The following CDC40 variants were observed in gnomAD, a reference collection of about 807,000 sequenced individuals.
CDC40 encodes pre-mRNA-processing factor 17.
A neutral mutation model predicts 80.6 loss-of-function variants in CDC40; 27 were observed. The observed-to-expected ratio is 0.33, with a 90% CI of 0.25 to 0.46. CDC40 has a LOEUF of 0.46. Ranked by LOEUF, CDC40 falls within the 20% of genes least tolerant of loss-of-function variation. CDC40 has a pLI of 1.00. For missense variants in CDC40, 486 were observed against 694.1 expected, an observed-to-expected ratio of 0.70 and a Z score of 3.37; for synonymous variants, 221 against 232.6, an observed-to-expected ratio of 0.95 and a Z score of 0.45.
intron 1 of CDC40, among the ~76,000 whole-genome samples, chr6:110,183,028 A>G (rs560625083): frequency 1.3e-5 from 2 of 152,190 alleles, no homozygotes; most frequent in African/African-American, 4.8e-5. Context: ...TGAAAGCCGA[A>G]TTTTCTTTCT....
chr6:110,185,391 C>T (rs1008425873), intron 1 of CDC40, among the ~76,000 whole-genome samples: 2 of 151,150 alleles, frequency 1.3e-5, no homozygotes, highest in Admixed American at 6.6e-5. Flanking sequence ...TACAGGCGCC[C>T]GCCACTACGC....
At chr6:110,220,653 G>T (rs537273980) in intron 12 of CDC40, among the ~76,000 whole-genome samples, 35 of 152,130 alleles carry the variant, frequency 2.3e-4, no homozygotes, top group Admixed American at 2.0e-3. Context: ...CACTGTGTTA[G>T]CCAGGATGGT....
chr6:110,210,986 A>AG (rs1329195249), intron 6 of CDC40, 183 bp downstream of exon 6: 2 of 274,340 alleles, frequency 7.3e-6, no homozygotes, highest in African/African-American at 4.4e-5. Context: ...CTGATAAAGG[A>AG]GAAAAAATAG....
At chr6:110,201,142 T>TA (rs902412710) in intron 2 of CDC40, among the ~76,000 whole-genome samples, 30 of 152,050 alleles carry the variant, frequency 2.0e-4, no homozygotes, top group Non-Finnish European at 3.7e-4. Flanking sequence ...ATGTAGTTTT[T>TA]AAAAAAAATT....
intron 2 of CDC40, among the ~76,000 whole-genome samples, chr6:110,193,718 T>C (rs1777382571): frequency 6.6e-6 from 1 of 152,222 alleles, no homozygotes; most frequent in Non-Finnish European, 1.5e-5. Context: ...AATACATCCT[T>C]CTATTCTCCA....
At chr6:110,224,725 C>T (rs1435460576) in intron 12 of CDC40, among the ~76,000 whole-genome samples, 1 of 152,184 alleles carries the variant, frequency 6.6e-6, no homozygotes, top group African/African-American at 2.4e-5. Context: ...GCCTAGCAGG[C>T]ATTTTTGCTA....
rs1405260244 is a variant in CDC40, at chr6:110,219,837, A to G, written c.1308A>G (p.Thr436=). The G allele has an allele frequency of 6.2e-7, 1 of 1,614,068 alleles. No homozygotes were observed. Among genetic ancestry groups the G allele is most frequent in the Non-Finnish European group, 8.5e-7 (1 of 1,179,960 alleles). The change falls in exon 12 of 15, where the codon ACA becomes ACG. Residue 436 remains threonine (T), a synonymous_variant. Coordinates refer to ENST00000307731, the MANE Select transcript of CDC40 (RefSeq NM_015891.3). The part of the protein sequence containing the change: ...FVDENRRFVS[T]SDDKSLRVWE... ...ATGAGAATAGGAGATTTGTGAGCAC[A>G]TCTGATGATAAAAGCCTAAGAGTTT...
chr6:110,193,101 G>A, intron 1 of CDC40, 81 bp from the exon 2 acceptor site: 1 of 788,488 alleles, frequency 1.3e-6, no homozygotes. Context: ...TGTTAAAGAT[G>A]GCTAGTGTGA....
chr6:110,213,375 T>C (rs1353077926), intron 8 of CDC40, among the ~76,000 whole-genome samples: 1 of 150,984 alleles, frequency 6.6e-6, no homozygotes, highest in Non-Finnish European at 1.5e-5. Context: ...TTTGTTGTTG[T>C]TTTTGTTTTT....
In CDC40 at chr6:110,230,154, T is replaced by C. The variant is rs765856659; in HGVS notation, c.*23T>C. On this transcript the variant is annotated 3_prime_UTR_variant, in exon 15 of 15. Transcript: ENST00000307731. Reference sequence around the variant, plus strand: ...TAATGAGATTAATCCTTAAACTAGCTGGGATCATTTTTGATCCATTGTCAT... The same window carrying C: ...TAATGAGATTAATCCTTAAACTAGCCGGGATCATTTTTGATCCATTGTCAT... The C allele has an allele frequency of 6.7e-7, 1 of 1,482,388 alleles. No homozygotes were observed. Among genetic ancestry groups the C allele is most frequent in the East Asian group, 2.3e-5 (1 of 44,112 alleles). 91.8% of individuals were successfully genotyped at this position (1,482,388 alleles called of 1,614,324 possible).
At chr6:110,191,425 G>A (rs1315301979) in intron 1 of CDC40, among the ~76,000 whole-genome samples, 1 of 152,188 alleles carries the variant, frequency 6.6e-6, no homozygotes, top group Non-Finnish European at 1.5e-5. Flanking sequence ...GATAGGGATA[G>A]TTCAAGGGTT....
chr6:110,186,449 A>T, intron 1 of CDC40, among the ~76,000 whole-genome samples: 1 of 152,070 alleles, frequency 6.6e-6, no homozygotes, highest in East Asian at 1.9e-4. Flanking sequence ...ACGCCACTGC[A>T]CTCCAGCCTG....
chr6:110,201,460 T>C, intron 2 of CDC40, 98 bp from the exon 3 acceptor site: 2 of 919,004 alleles, frequency 2.2e-6, no homozygotes, highest in East Asian at 2.8e-5. Context: ...TAATAGGCCC[T>C]TTTTTTGTAC....
rs776219148 is a variant in CDC40 at position 110,212,157 on chromosome 6, G to A, written c.752G>A (p.Gly251Asp). 8 of 1,613,184 alleles carry A rather than the reference G, an allele frequency of 5.0e-6. No homozygotes were observed. In the East Asian group the frequency reaches 1.6e-4, roughly 31 times the overall value. ...GTTAAAGAAATGTATGACTATCAAGGCAGGTCCTATCTTCACATACCTCAG... is the reference window on the plus strand; with the variant it reads ...GTTAAAGAAATGTATGACTATCAAGACAGGTCCTATCTTCACATACCTCAG... ...LHVKEMYDYQ[G>D]RSYLHIPQDV... The change falls in exon 7 of 15, where the codon GGC (glycine) becomes GAC (aspartate). Residue 251 changes from glycine to aspartate, a missense_variant. By Grantham distance (94) the Gly-to-Asp change is moderately conservative. Around this residue, in one of 3 missense-constraint regions of CDC40, gnomAD observed 381 missense variants for 492.1 expected, o/e 0.77. Coordinates refer to ENST00000307731, the MANE Select transcript of CDC40 (RefSeq NM_015891.3).
intron 12 of CDC40, chr6:110,224,280 T>C (rs1351487011): frequency 6.6e-6 from 1 of 152,236 alleles, no homozygotes; most frequent in African/African-American, 2.4e-5. Context: ...ATTAGGTTTT[T>C]TTCGTGAATT....
chr6:110,228,733 A>G, intron 13 of CDC40, 99 bp from the exon 14 acceptor site: 1 of 889,966 alleles, frequency 1.1e-6, no homozygotes, highest in Non-Finnish European at 1.6e-6. Flanking sequence ...AGTATTTGGG[A>G]GCAAAACTTA....
intron 2 of CDC40, among the ~76,000 whole-genome samples, chr6:110,193,561 C>T (rs924334927): frequency 2.6e-5 from 4 of 152,062 alleles, no homozygotes; most frequent in African/African-American, 7.2e-5. Flanking sequence ...CCCACCACCA[C>T]GCCTGGCTAA....
Position 110,217,691 on chromosome 6 carries a change from T to C in CDC40, c.989-11T>C, listed in dbSNP as rs759987022. ...TCACCTCATTGCTGTTTCTGTTGAC[T>C]CCACCTTTAGGTCACAGTAAGGCTG... is the stretch of plus-strand genomic sequence containing the variant. On this transcript the variant is annotated splice_polypyrimidine_tract_variant and intron_variant, in intron 9 of 14. Transcript: ENST00000307731. The C allele has an allele frequency of 1.5e-6, 2 of 1,345,634 alleles. No homozygotes were observed. Among genetic ancestry groups the C allele is most frequent in the Non-Finnish European group, 2.1e-6 (2 of 935,138 alleles). The allele number at this position is 1,345,634 out of a possible 1,614,324, so 83.4% of individuals were successfully genotyped here.
intron 2 of CDC40, among the ~76,000 whole-genome samples, chr6:110,195,085 A>G (rs1323071353): frequency 1.3e-5 from 2 of 152,202 alleles, no homozygotes; most frequent in Non-Finnish European, 2.9e-5. Flanking sequence ...CAAAATTATA[A>G]TTGTTCCTGG....
Sources: gnomAD v4.1 joint callset for allele counts (sites outside exome capture counted in the v4.1 genomes callset) on GRCh38, gnomAD v4.1.1 for gene constraint, gnomAD v4.1.1 regional missense constraint, MANE v1.5 for transcripts, NCBI Gene and HGNC (gene_info 2026-07-23, HGNC 2026-07-21) for gene names.